The following FRYL variants were observed in gnomAD, a reference collection of about 807,000 sequenced individuals.
The protein encoded by FRYL is protein furry homolog-like.
In FRYL, 150 loss-of-function variants were observed where a neutral mutation model predicts 351.2. That is an observed-to-expected ratio of 0.43 (90% CI 0.37 to 0.49). The LOEUF is 0.49. Ranked by LOEUF, FRYL falls within the 20% of genes least tolerant of loss-of-function variation. FRYL has a pLI of 0.00. For synonymous variants in FRYL, 1,153 were observed against 1,257.1 expected (o/e 0.92, Z 1.75); for missense variants, 3,036 against 3,619.3 (o/e 0.84, Z 4.13).
intron 1 of FRYL, among the ~76,000 whole-genome samples, chr4:48,751,837 A>AT (rs1773275316): frequency 3.2e-5 from 1 of 30,822 alleles, no homozygotes; most frequent in African/African-American, 1.1e-4. Flanking sequence ...AAAGAGATTC[A>AT]ATTTTTTTTT....
At chr4:48,508,488 G>T (rs112135545) in intron 59 of FRYL, among the ~76,000 whole-genome samples, 3 of 152,096 alleles carry the variant, frequency 2.0e-5, no homozygotes, top group African/African-American at 7.2e-5. Flanking sequence ...TTTATTTGTA[G>T]GTATTTGATA....
At chr4:48,553,020 CTT>C in intron 36 of FRYL, among the ~76,000 whole-genome samples, 193 bp downstream of exon 36, 1 of 152,116 alleles carries the variant, frequency 6.6e-6, no homozygotes, top group African/African-American at 2.4e-5. Context: ...ACAATAAACT[CTT>C]GTTTAACAAT....
At chr4:48,680,844 C>A in intron 3 of FRYL, 1 of 377,026 alleles carries the variant, frequency 2.7e-6, no homozygotes, top group African/African-American at 2.2e-5. Flanking sequence ...AATATTCCTG[C>A]TCACTAGAAT....
chr4:48,752,152 G>C (rs1306174849), intron 1 of FRYL, among the ~76,000 whole-genome samples: 36 of 152,286 alleles, frequency 2.4e-4, no homozygotes, highest in Admixed American at 2.3e-3. Flanking sequence ...TGGATGTGGA[G>C]GTGCACCACT....
intron 1 of FRYL, among the ~76,000 whole-genome samples, chr4:48,750,870 T>C (rs978056224): frequency 6.6e-6 from 1 of 152,164 alleles, no homozygotes; most frequent in Non-Finnish European, 1.5e-5. Flanking sequence ...TACATTACTA[T>C]ATCCAAAAGG....
At chr4:48,768,119 G>A (rs1775149938) in intron 1 of FRYL, among the ~76,000 whole-genome samples, 1 of 152,182 alleles carries the variant, frequency 6.6e-6, no homozygotes, top group African/African-American at 2.4e-5. Context: ...CTAAAGGAAA[G>A]GTGGCAGTTG....
chr4:48,712,282 G>A (rs977490726), intron 1 of FRYL, among the ~76,000 whole-genome samples: 1 of 152,138 alleles, frequency 6.6e-6, no homozygotes, highest in Non-Finnish European at 1.5e-5. Context: ...GATACAGGAG[G>A]AAATTCAAAC....
At position 48,748,333 on chromosome 4, in the gene FRYL, G is replaced by A. The variant is rs150225168; in HGVS notation, c.-384+31745C>T. 6.4e-4 allele frequency among the ~76,000 whole-genome samples: 97 copies of A among 152,200 alleles called. 1 individual carries two copies. The South Asian group carries it at 0.012, about 20-fold the overall frequency. Reference sequence around the variant, plus strand: ...GCCACTCCTGTAAAAATAGAACTCCGAAGTTATAGCTATAGATATAGCTAG... The same window carrying A: ...GCCACTCCTGTAAAAATAGAACTCCAAAGTTATAGCTATAGATATAGCTAG... On this transcript the variant is annotated intron_variant, in intron 1 of 63. Transcript: ENST00000358350.
chr4:48,549,050 C>G lies in FRYL; in HGVS notation c.4785-257G>C, dbSNP rs149138949. ...TTCATCTTTCAACCTTGAGACTTAG[C>G]ACACTGCTTGCCACAGTAGGTGTTC... is the stretch of plus-strand genomic sequence containing the variant. On this transcript the variant is annotated intron_variant, in intron 39 of 63. Coordinates refer to ENST00000358350, the MANE Select transcript of FRYL (RefSeq NM_015030.2). This position sits in a 1 kb window ranked among gnomAD's most constrained non-coding sequence, Gnocchi z 4.2. Among the ~76,000 whole-genome samples, 1 of 152,298 alleles carries G rather than the reference C, an allele frequency of 6.6e-6. No homozygotes were observed. The highest frequency in any genetic ancestry group is 2.4e-5 in the African/African-American group (1 of 41,570).
intron 1 of FRYL, among the ~76,000 whole-genome samples, chr4:48,763,296 C>CA (rs1296908756): frequency 6.6e-6 from 1 of 150,928 alleles, no homozygotes; most frequent in African/African-American, 2.4e-5. Flanking sequence ...ACCCTGTCTC[C>CA]AAAAAAAATT....
intron 3 of FRYL, among the ~76,000 whole-genome samples, chr4:48,648,697 C>T (rs1241045678): frequency 1.3e-5 from 2 of 152,110 alleles, no homozygotes; most frequent in African/African-American, 4.8e-5. Flanking sequence ...TCCAATGGAA[C>T]ATTATTCAAT....
At chr4:48,518,977 G>C (rs551984000) in intron 55 of FRYL, among the ~76,000 whole-genome samples, 1 of 152,342 alleles carries the variant, frequency 6.6e-6, no homozygotes, top group South Asian at 2.1e-4. Flanking sequence ...CCTAGCACGA[G>C]GTAGCGCCTC....
intron 18 of FRYL, among the ~76,000 whole-genome samples, chr4:48,588,128 T>G (rs1002422142): frequency 3.3e-5 from 5 of 152,314 alleles, no homozygotes; most frequent in African/African-American, 1.2e-4. Context: ...TGTTATTCAG[T>G]TCATACACAG....
chr4:48,512,614 A>G lies in FRYL; in HGVS notation c.8012T>C (p.Ile2671Thr). Reference sequence around the variant, plus strand: ...TGCCACGGGCTGAAAGGCGGCTATGATGGCAGAAAGAAATGGTGACGGCAG... The same window carrying G: ...TGCCACGGGCTGAAAGGCGGCTATGGTGGCAGAAAGAAATGGTGACGGCAG... ...SPLPSPFLSA[I>T]IAAFQPVAYD... The change falls in exon 57 of 64, where the codon ATC becomes ACC. Residue 2671 changes from isoleucine to threonine, a missense_variant. Ile to Thr is a moderately conservative substitution (Grantham distance 89, BLOSUM62 -1). Around this residue, in one of 7 missense-constraint regions of FRYL, gnomAD observed 1,987 missense variants for 2,311.7 expected, o/e 0.86. Coordinates refer to ENST00000358350, the MANE Select transcript of FRYL (RefSeq NM_015030.2). 6.2e-7 allele frequency: 1 copy of G among 1,614,080 alleles called. No homozygotes were observed. The highest frequency in any genetic ancestry group is 1.7e-5 in the Admixed American group (1 of 60,012).
chr4:48,649,141 C>T (rs545804624), intron 3 of FRYL, among the ~76,000 whole-genome samples: 6 of 152,078 alleles, frequency 3.9e-5, no homozygotes, highest in African/African-American at 1.4e-4. Context: ...ATAAATACTT[C>T]AACAAATGGT....
chr4:48,671,605 T>G (rs1334761517), intron 3 of FRYL, among the ~76,000 whole-genome samples: 4 of 151,938 alleles, frequency 2.6e-5, no homozygotes, highest in East Asian at 3.9e-4. Flanking sequence ...AGGCAGAGGT[T>G]GTGGTGAGCC....
At chr4:48,718,519 CACT>C (rs1288339241) in intron 1 of FRYL, among the ~76,000 whole-genome samples, 1 of 151,458 alleles carries the variant, frequency 6.6e-6, no homozygotes, top group Non-Finnish European at 1.5e-5. Flanking sequence ...AACATAAGTA[CACT>C]ACTATTATTC....
chr4:48,650,359 C>T (rs570915227), intron 3 of FRYL, among the ~76,000 whole-genome samples: 1 of 152,170 alleles, frequency 6.6e-6, no homozygotes, highest in African/African-American at 2.4e-5. Flanking sequence ...ATTAAATACA[C>T]AAAGAACAAA....
intron 54 of FRYL, among the ~76,000 whole-genome samples, chr4:48,522,090 C>T (rs1725036267): frequency 6.6e-6 from 1 of 152,042 alleles, no homozygotes; most frequent in Admixed American, 6.6e-5. Context: ...CTAACCTGGG[C>T]CACATAGCAA....
Sources: allele counts gnomAD v4.1 joint callset (sites outside exome capture counted in the v4.1 genomes callset), GRCh38; gene constraint gnomAD v4.1.1; regional missense constraint gnomAD v4.1.1; non-coding constraint Gnocchi (gnomAD v3.1); transcripts MANE v1.5; gene names NCBI Gene and HGNC (gene_info 2026-07-23, HGNC 2026-07-21).